The following ALDH4A1 variants were observed in gnomAD, a reference collection of about 807,000 sequenced individuals.
The protein encoded by ALDH4A1 is delta-1-pyrroline-5-carboxylate dehydrogenase, mitochondrial.
In ALDH4A1, 46 loss-of-function variants were observed where a neutral mutation model predicts 70.5. That is an observed-to-expected ratio of 0.65 (90% confidence interval 0.51 to 0.83). The LOEUF (loss-of-function observed/expected upper bound fraction) is 0.83. ALDH4A1 is among the 40% of genes least tolerant of loss of function. ALDH4A1 has a pLI of 0.00. For synonymous variants in ALDH4A1, 323 were observed against 324.3 expected (o/e 1.00, Z 0.04); for missense variants, 749 against 766.5 (o/e 0.98, Z 0.27).
chr1:18,894,026 T>C (rs1304561732), intron 1 of ALDH4A1, among the ~76,000 whole-genome samples: 1 of 152,242 alleles, frequency 6.6e-6, no homozygotes, highest in East Asian at 1.9e-4. Flanking sequence ...TGATGCACCT[T>C]GCAGGGCCAT....
chr1:18,886,692 C>T (rs1038107426), intron 3 of ALDH4A1, among the ~76,000 whole-genome samples, 181 bp from the exon 4 acceptor site: 6 of 152,146 alleles, frequency 3.9e-5, no homozygotes, highest in African/African-American at 1.4e-4. Flanking sequence ...GTTAAGGGTG[C>T]TGGTGTACCC....
In ALDH4A1 at chr1:18,881,320, A is replaced by G. The variant is rs558582292; in HGVS notation, c.866+380T>C. Among the ~76,000 whole-genome samples the G allele has an allele frequency of 3.2e-4, 49 of 152,182 alleles. 1 individual carries two copies. Among genetic ancestry groups the G allele is most frequent in the Middle Eastern group, 3.4e-3 (1 of 294 alleles). ...CTGCCTGGCCAACTCCTCTGCTTAG[A>G]TGTCACCTCCTCCAGGAAGGCTTCC... On this transcript the variant is annotated intron_variant, in intron 8 of 14. Coordinates refer to ENST00000375341, the MANE Select transcript of ALDH4A1 (RefSeq NM_003748.4).
rs1449416753 is a variant in ALDH4A1, at chr1:18,880,631, G to A, written c.866+1069C>T. On this transcript the variant is annotated intron_variant, in intron 8 of 14. Transcript: ENST00000375341. This position sits in a 1 kb window ranked among gnomAD's most constrained non-coding sequence, Gnocchi z 5.1. ...GCCAGCAGGGAAAGGAAACAGCGTG[G>A]ATCAGGTATGCAGGGAGCCAGAGGG... is the stretch of plus-strand genomic sequence containing the variant. Among the ~76,000 whole-genome samples, 1 of 152,130 alleles carries A rather than the reference G, an allele frequency of 6.6e-6. No homozygotes were observed. Among genetic ancestry groups the A allele is most frequent in the Non-Finnish European group, 1.5e-5 (1 of 68,024 alleles).
intron 1 of ALDH4A1, among the ~76,000 whole-genome samples, chr1:18,901,177 A>C (rs12120787): frequency 6.0e-4 from 92 of 152,284 alleles, no homozygotes; most frequent in Non-Finnish European, 1.1e-3. Flanking sequence ...GGGATCACAC[A>C]GGGAGTATGG....
chr1:18,875,569 G>A, intron 12 of ALDH4A1, 66 bp from the exon 13 acceptor site: 5 of 1,611,744 alleles, frequency 3.1e-6, no homozygotes, highest in Non-Finnish European at 2.5e-6. Context: ...AGCCCTCCCA[G>A]TGCCCCTGCT....
At chr1:18,876,682 C>CGTGTGTGTGTGTGTGTGTGTGTGTGTGT (rs1557611270) in intron 11 of ALDH4A1, among the ~76,000 whole-genome samples, 1 of 2,686 alleles carries the variant, frequency 3.7e-4, no homozygotes, top group Admixed American at 5.0e-3. Flanking sequence ...TGTGTGTGTA[C>CGTGTGTGTGTGTGTGTGTGTGTGTGTGT]ACACACAAGT....
At position 18,880,033 on chromosome 1, in the gene ALDH4A1, C is replaced by G. The variant is rs532514915; in HGVS notation, c.867-660G>C. 4.4e-5 allele frequency among the ~76,000 whole-genome samples: 6 copies of G among 136,518 alleles called. No individual in the cohort carries two copies. In the East Asian group the frequency reaches 1.1e-3, roughly 24 times the overall value. 89.6% of individuals were successfully genotyped at this position (136,518 alleles called of 152,430 possible). On this transcript the variant is annotated intron_variant, in intron 8 of 14. Transcript: ENST00000375341. This position sits in a 1 kb window ranked among gnomAD's most constrained non-coding sequence, Gnocchi z 5.1. ...TCCCACCTTTAAGCCCGCTGCTCAT[C>G]AGAGCGTGGAGAATGGGGTCCAGGC...
rs1434003182 is a variant in ALDH4A1 at position 18,899,688 on chromosome 1, A to G, written c.62+2774T>C. Among the ~76,000 whole-genome samples, 3 of 152,174 alleles carry G rather than the reference A, an allele frequency of 2.0e-5. No homozygotes were observed. In the East Asian group the frequency reaches 5.8e-4, roughly 29 times the overall value. On this transcript the variant is annotated intron_variant, in intron 1 of 14. Coordinates refer to ENST00000375341, the MANE Select transcript of ALDH4A1 (RefSeq NM_003748.4). ...AAATGGGGGTGGTAACCCCTACATC[A>G]TAGGTTGCTGAGAGGCTGAGTAAAA...
At chr1:18,873,760 C>T (rs888340897) in intron 14 of ALDH4A1, among the ~76,000 whole-genome samples, 2 of 152,204 alleles carry the variant, frequency 1.3e-5, no homozygotes, top group Non-Finnish European at 2.9e-5. Flanking sequence ...TTAAAATACC[C>T]TCTGCAATAC....
rs192064368 is a variant in ALDH4A1, at chr1:18,889,248, G to A, written c.249+114C>T. The A allele has an allele frequency of 3.9e-5, 37 of 939,472 alleles. No homozygotes were observed. The African/African-American group carries it at 5.7e-4, about 15-fold the overall frequency. The allele number at this position is 939,472 out of a possible 1,614,324, so 58.2% of individuals were successfully genotyped here. A position where few individuals can be genotyped will look rare whatever the true frequency, so the allele number is the denominator to read the frequency against. ...GAATTCAAAATCTGGGGTGGGGAGG[G>A]GCACTATAAAGGCCTTGAAGTCAGA... On this transcript the variant is annotated intron_variant, in intron 3 of 14. Coordinates refer to ENST00000375341, the MANE Select transcript of ALDH4A1 (RefSeq NM_003748.4).
chr1:18,873,898 T>A (rs146076317), intron 14 of ALDH4A1, among the ~76,000 whole-genome samples: 257 of 152,292 alleles, frequency 1.7e-3, no homozygotes, highest in African/African-American at 6.0e-3. Flanking sequence ...TAACCTGGGG[T>A]CCCAGTACTT....
chr1:18,900,680 G>A (rs1206533748), intron 1 of ALDH4A1, among the ~76,000 whole-genome samples: 6 of 152,180 alleles, frequency 3.9e-5, no homozygotes, highest in Admixed American at 2.0e-4. Context: ...TAGGGCATGC[G>A]GCCAGCTGCT....
At chr1:18,896,857 C>A (rs1287241138) in intron 1 of ALDH4A1, among the ~76,000 whole-genome samples, 1 of 151,536 alleles carries the variant, frequency 6.6e-6, no homozygotes, top group African/African-American at 2.4e-5. Context: ...CGTGCCACTG[C>A]ACTCCAGCCT....
At chr1:18,896,965 G>T (rs1391269343) in intron 1 of ALDH4A1, 1 of 444,116 alleles carries the variant, frequency 2.3e-6, no homozygotes, top group Non-Finnish European at 4.7e-6. Context: ...CAAACATCAG[G>T]CAACATTTGT....
chr1:18,874,628 C>T, intron 13 of ALDH4A1, 47 bp from the exon 14 acceptor site: 1 of 1,582,750 alleles, frequency 6.3e-7, no homozygotes, highest in Non-Finnish European at 8.7e-7. Context: ...CATCTCCCCT[C>T]CAGCCCCAGC....
intron 7 of ALDH4A1, 26 bp from the exon 8 acceptor site, chr1:18,881,913 C>G (rs1322622201): frequency 6.2e-7 from 1 of 1,607,544 alleles, no homozygotes; most frequent in Non-Finnish European, 8.5e-7. Context: ...TTCAGTGATG[C>G]ATGAGGATGG....
chr1:18,889,344 C>T lies in ALDH4A1; in HGVS notation c.249+18G>A, dbSNP rs752648051. 1 of 1,550,116 alleles carries T rather than the reference C, an allele frequency of 6.5e-7. No homozygotes were observed. Among genetic ancestry groups the T allele is most frequent in the Non-Finnish European group, 8.7e-7 (1 of 1,145,578 alleles). ...TATTCAGGGGAGGGGCTGAGCTCTG[C>T]CCACCCGCTGGACATACCGACACTT... is the stretch of plus-strand genomic sequence containing the variant. On this transcript the variant is annotated intron_variant, in intron 3 of 14. Coordinates refer to ENST00000375341, the MANE Select transcript of ALDH4A1 (RefSeq NM_003748.4).
chr1:18,891,501 G>A (rs1935429808), intron 1 of ALDH4A1, among the ~76,000 whole-genome samples: 1 of 152,146 alleles, frequency 6.6e-6, no homozygotes, highest in Non-Finnish European at 1.5e-5. Context: ...CGCAATGAGG[G>A]AAAACACACA....
At chr1:18,902,410 TC>T in intron 1 of ALDH4A1, 51 bp downstream of exon 1, 1 of 1,290,010 alleles carries the variant, frequency 7.8e-7, no homozygotes, top group Non-Finnish European at 9.9e-7. Context: ...ACTCTCAGGC[TC>T]CCGGGCCCCA....
Sources: allele counts gnomAD v4.1 joint callset (sites outside exome capture counted in the v4.1 genomes callset), GRCh38; gene constraint gnomAD v4.1.1; non-coding constraint Gnocchi (gnomAD v3.1); transcripts MANE v1.5; gene names NCBI Gene and HGNC (gene_info 2026-07-23, HGNC 2026-07-21).